PDE10A: variants seen among roughly 807,000 people sequenced by gnomAD.
PDE10A encodes the protein cAMP and cAMP-inhibited cGMP 3',5'-cyclic phosphodiesterase 10A.
Under a neutral mutation model 97.7 loss-of-function variants are expected in PDE10A, and 39 were observed. The observed-to-expected ratio is 0.40, with a 90% CI of 0.31 to 0.52. PDE10A has a LOEUF of 0.52. Among genes scored for constraint, PDE10A ranks in the 20% least tolerant of loss-of-function variants. The probability of loss-of-function intolerance (pLI) is 0.56; values close to 1 mark genes in which losing one functional copy is unlikely to be tolerated. For missense variants in PDE10A, 731 were observed against 1,047.8 expected (o/e 0.70, Z 4.17); for synonymous variants, 371 against 376.8 (o/e 0.98, Z 0.18).
chr6:165,713,955 C>T (rs1791964897), intron 1 of PDE10A, among the ~76,000 whole-genome samples: 1 of 152,164 alleles, frequency 6.6e-6, no homozygotes, highest in Non-Finnish European at 1.5e-5. Context: ...TCACACATTA[C>T]AAAATACTTT....
intron 13 of PDE10A, among the ~76,000 whole-genome samples, chr6:165,409,152 G>A (rs1329883014): frequency 3.9e-5 from 5 of 129,634 alleles, no homozygotes; most frequent in South Asian, 5.2e-4. Flanking sequence ...GCGACAGGGT[G>A]AGACTCCATC....
intron 1 of PDE10A, among the ~76,000 whole-genome samples, chr6:165,673,491 C>A (rs528827840): frequency 3.3e-5 from 5 of 152,350 alleles, no homozygotes; most frequent in Non-Finnish European, 7.3e-5. Flanking sequence ...GAGCTGCTGA[C>A]CCCTGTACCT....
chr6:165,507,686 T>G (rs1781278221), intron 2 of PDE10A, among the ~76,000 whole-genome samples: 1 of 152,074 alleles, frequency 6.6e-6, no homozygotes, highest in Non-Finnish European at 1.5e-5. Context: ...CTCCACTTCA[T>G]TTTCCAACTA....
intron 1 of PDE10A, among the ~76,000 whole-genome samples, chr6:165,649,982 C>T (rs1464977752): frequency 2.6e-5 from 4 of 152,140 alleles, no homozygotes; most frequent in Non-Finnish European, 5.9e-5. Context: ...CTGTGCATGA[C>T]GTCAGAAAAG....
exon 1 of PDE10A, chr6:165,987,544 G>T (rs939946735): frequency 2.7e-6 from 1 of 373,912 alleles, no homozygotes; most frequent in East Asian, 7.3e-5. Context: ...AAAGTATGCT[G>T]ACGCGCATAT....
chr6:165,652,665 T>C (rs1789742084), intron 1 of PDE10A, among the ~76,000 whole-genome samples: 2 of 152,226 alleles, frequency 1.3e-5, no homozygotes, highest in African/African-American at 4.8e-5. Context: ...TGCAGTTACC[T>C]GTTAGTCTCT....
chr6:165,396,210 GTAATA>G, intron 14 of PDE10A, 102 bp downstream of exon 14: 1 of 980,252 alleles, frequency 1.0e-6, no homozygotes, highest in Non-Finnish European at 1.5e-6. Context: ...AACTCCACAT[GTAATA>G]TGTGTATAAT....
chr6:165,436,191 T>C (rs183442956), intron 5 of PDE10A, among the ~76,000 whole-genome samples: 1 of 152,302 alleles, frequency 6.6e-6, no homozygotes, highest in African/African-American at 2.4e-5. Flanking sequence ...CAGACTTCAC[T>C]TTATTTTTAT....
intron 18 of PDE10A, among the ~76,000 whole-genome samples, chr6:165,353,874 A>C (rs1025717340): frequency 1.3e-5 from 2 of 152,192 alleles, no homozygotes; most frequent in African/African-American, 4.8e-5. Context: ...TACAGACTTT[A>C]GGTGATAATG....
chr6:165,336,041 AC>A (rs1781624505), intron 21 of PDE10A, 81 bp downstream of exon 21: 1 of 1,045,694 alleles, frequency 9.6e-7, no homozygotes, highest in Non-Finnish European at 1.5e-6. Context: ...AGACCACAAC[AC>A]ACTAGTGGGG....
chr6:165,443,739 C>T (rs1056684726), intron 5 of PDE10A, among the ~76,000 whole-genome samples: 2 of 152,178 alleles, frequency 1.3e-5, no homozygotes, highest in African/African-American at 2.4e-5. Flanking sequence ...GGTGGAGGCT[C>T]CCACACTCTT....
At chr6:165,898,066 C>T (rs1453309529) in intron 1 of PDE10A, among the ~76,000 whole-genome samples, 1 of 151,246 alleles carries the variant, frequency 6.6e-6, no homozygotes, top group Non-Finnish European at 1.5e-5. Flanking sequence ...CCCTCTGTCT[C>T]CCCCTCCTAC....
At chr6:165,381,870 G>A (rs1451034639) in intron 17 of PDE10A, among the ~76,000 whole-genome samples, 2 of 152,204 alleles carry the variant, frequency 1.3e-5, no homozygotes, top group Non-Finnish European at 2.9e-5. Context: ...ATGAAGCATA[G>A]CAGACAAACA....
At chr6:165,714,232 G>A (rs1312952990) in intron 1 of PDE10A, among the ~76,000 whole-genome samples, 1 of 152,230 alleles carries the variant, frequency 6.6e-6, no homozygotes, top group Non-Finnish European at 1.5e-5. Flanking sequence ...TGGGCAGTCA[G>A]GATTTCCTAC....
At chr6:165,383,609 C>A (rs1004867191) in intron 17 of PDE10A, among the ~76,000 whole-genome samples, 2 of 152,090 alleles carry the variant, frequency 1.3e-5, no homozygotes, top group Non-Finnish European at 2.9e-5. Context: ...CCATGCTCTA[C>A]CTTCACACTT....
intron 5 of PDE10A, among the ~76,000 whole-genome samples, chr6:165,438,230 C>T (rs1790174331): frequency 6.6e-6 from 1 of 151,888 alleles, no homozygotes; most frequent in African/African-American, 2.4e-5. Flanking sequence ...CTCTTGTTGC[C>T]CAGGCTGGAG....
At chr6:165,394,929 T>C (rs886464967) in intron 15 of PDE10A, among the ~76,000 whole-genome samples, 2 of 152,208 alleles carry the variant, frequency 1.3e-5, no homozygotes, top group Admixed American at 6.5e-5. Context: ...TCTGTTTTTA[T>C]GAAAGCTTTT....
chr6:165,982,042 T>A (rs1785036069), intron 1 of PDE10A, among the ~76,000 whole-genome samples: 1 of 152,218 alleles, frequency 6.6e-6, no homozygotes, highest in South Asian at 2.1e-4. Flanking sequence ...CTCCCAATGC[T>A]AACTACCCAT....
At chr6:165,480,272 T>G (rs1206749350) in intron 3 of PDE10A, among the ~76,000 whole-genome samples, 2 of 152,120 alleles carry the variant, frequency 1.3e-5, no homozygotes, top group Non-Finnish European at 2.9e-5. Flanking sequence ...TGGTTCTAAA[T>G]GAGAAAGTAC....
Sources: gnomAD v4.1 joint callset for allele counts (sites outside exome capture counted in the v4.1 genomes callset) on GRCh38, gnomAD v4.1.1 for gene constraint, MANE v1.5 for transcripts, NCBI Gene and HGNC (gene_info 2026-07-23, HGNC 2026-07-21) for gene names.